The following AMBRA1 variants were observed in gnomAD, a reference collection of about 807,000 sequenced individuals.
AMBRA1 encodes activating molecule in BECN1-regulated autophagy protein 1.
Under a neutral mutation model 125.4 loss-of-function variants are expected in AMBRA1, and 47 were observed. That is an observed-to-expected ratio of 0.37 (90% CI 0.30 to 0.48). The LOEUF (loss-of-function observed/expected upper bound fraction) is 0.48, where lower values mean the gene tolerates loss of function less well. Among genes scored for constraint, AMBRA1 ranks in the 20% least tolerant of loss-of-function variants. AMBRA1 has a pLI of 0.99. For synonymous variants in AMBRA1, 626 were observed against 655.5 expected (o/e 0.95, Z 0.69); for missense variants, 1,331 against 1,693.4 (o/e 0.79, Z 3.76).
At chr11:46,422,579 T>A (rs1946898245) in intron 14 of AMBRA1, among the ~76,000 whole-genome samples, 1 of 152,008 alleles carries the variant, frequency 6.6e-6, no homozygotes, top group Non-Finnish European at 1.5e-5. Context: ...AGGAAAAGAA[T>A]GAGAGGGAGC....
At chr11:46,472,593 T>C (rs1322274290) in intron 11 of AMBRA1, among the ~76,000 whole-genome samples, 1 of 152,218 alleles carries the variant, frequency 6.6e-6, no homozygotes, top group Non-Finnish European at 1.5e-5. Context: ...GAGAACAACC[T>C]GTCAACTTCT....
chr11:46,506,633 T>A (rs1951044369), intron 9 of AMBRA1, among the ~76,000 whole-genome samples: 1 of 152,182 alleles, frequency 6.6e-6, no homozygotes, highest in Non-Finnish European at 1.5e-5. Context: ...AGGAAATGAC[T>A]GACAGGCTGT....
At chr11:46,541,279 C>A (rs1419739465) in intron 7 of AMBRA1, among the ~76,000 whole-genome samples, 2 of 152,158 alleles carry the variant, frequency 1.3e-5, no homozygotes, top group Non-Finnish European at 1.5e-5. Flanking sequence ...TCTTTCCTTC[C>A]ATGAATTATT....
At chr11:46,454,826 C>G (rs1948780342) in intron 11 of AMBRA1, among the ~76,000 whole-genome samples, 1 of 150,620 alleles carries the variant, frequency 6.6e-6, no homozygotes, top group Admixed American at 6.6e-5. Context: ...TAGATAGAGC[C>G]TTCTTATCTG....
At chr11:46,508,042 T>C in intron 9 of AMBRA1, 149 bp downstream of exon 9, 1 of 850,396 alleles carries the variant, frequency 1.2e-6, no homozygotes, top group Admixed American at 2.6e-5. Flanking sequence ...ATCTTAACCC[T>C]CTGTCCCTCA....
chr11:46,430,025 T>A (rs2136696662), intron 14 of AMBRA1, among the ~76,000 whole-genome samples: 2 of 152,242 alleles, frequency 1.3e-5, no homozygotes, highest in Middle Eastern at 6.8e-3. Flanking sequence ...AGTCTTACTT[T>A]CCTGACTTAC....
At chr11:46,434,699 C>T (rs1433027607) in intron 13 of AMBRA1, 150 bp downstream of exon 13, 13 of 855,732 alleles carry the variant, frequency 1.5e-5, no homozygotes, top group Middle Eastern at 3.7e-4. Context: ...GCCAGCACTC[C>T]TGCAAAGCAA....
intron 11 of AMBRA1, among the ~76,000 whole-genome samples, chr11:46,466,054 G>C (rs768998411): frequency 1.3e-5 from 2 of 152,180 alleles, no homozygotes; most frequent in African/African-American, 2.4e-5. Context: ...TTTGATGGCT[G>C]AGTGAGAACT....
At chr11:46,419,375 C>T (rs919079913) in intron 14 of AMBRA1, among the ~76,000 whole-genome samples, 1 of 151,646 alleles carries the variant, frequency 6.6e-6, no homozygotes, top group South Asian at 2.1e-4. Flanking sequence ...GACTTGGGTT[C>T]GAGTCCTGAT....
At chr11:46,550,217 C>T (rs954277858) in intron 1 of AMBRA1, among the ~76,000 whole-genome samples, 3 of 152,190 alleles carry the variant, frequency 2.0e-5, no homozygotes, top group Admixed American at 1.3e-4. Context: ...TTTAGCTTGC[C>T]TCTCTATACC....
chr11:46,520,970 T>C (rs960112212), intron 7 of AMBRA1, among the ~76,000 whole-genome samples: 3 of 152,152 alleles, frequency 2.0e-5, no homozygotes, highest in Admixed American at 6.5e-5. Flanking sequence ...TGTCTTGTCT[T>C]TGCTACATGA....
At chr11:46,414,685 G>A (rs1274063678) in intron 15 of AMBRA1, among the ~76,000 whole-genome samples, 5 of 152,236 alleles carry the variant, frequency 3.3e-5, no homozygotes, top group Non-Finnish European at 1.5e-5. Flanking sequence ...AGGCACAGCA[G>A]CAGCTTGGGC....
chr11:46,491,701 TCTC>T (rs1317787722), intron 11 of AMBRA1, among the ~76,000 whole-genome samples: 2 of 152,202 alleles, frequency 1.3e-5, no homozygotes, highest in African/African-American at 4.8e-5. Flanking sequence ...TAGAGTTCCT[TCTC>T]CTAATGGCAT....
At chr11:46,541,552 TTC>T (rs1305870306) in intron 7 of AMBRA1, among the ~76,000 whole-genome samples, 1 of 152,008 alleles carries the variant, frequency 6.6e-6, no homozygotes, top group Non-Finnish European at 1.5e-5. Context: ...CCATGCAGGG[TTC>T]TCTTTTACTT....
chr11:46,509,894 C>G (rs1436534568), intron 8 of AMBRA1, among the ~76,000 whole-genome samples: 2 of 152,026 alleles, frequency 1.3e-5, no homozygotes, highest in African/African-American at 2.4e-5. Context: ...TGATTAAGAA[C>G]AGAAACAGGA....
rs1405221477 is a variant in AMBRA1 at position 46,561,787 on chromosome 11, TGCCAATCACATTTCTTA to T, written c.-120-13304_-120-13288del. On this transcript the variant is annotated intron_variant, in intron 1 of 17. Transcript: ENST00000683756. Reference sequence around the variant, plus strand: ...AAAAGGCCGACATGCCACCCTACCATGCCAATCACATTTCTTAGCCAATCAAAAGAAGGCATTAGATT... The same window carrying T: ...AAAAGGCCGACATGCCACCCTACCATGCCAATCAAAAGAAGGCATTAGATT... Among the ~76,000 whole-genome samples the T allele has an allele frequency of 7.9e-5, 12 of 152,292 alleles. 1 individual carries two copies. The East Asian group carries it at 2.3e-3, about 29-fold the overall frequency.
chr11:46,547,050 C>A, intron 4 of AMBRA1, 63 bp downstream of exon 4: 1 of 1,487,694 alleles, frequency 6.7e-7, no homozygotes, highest in East Asian at 2.3e-5. Context: ...CAGAGCGAGA[C>A]TCCGTCTCAA....
At chr11:46,548,177 A>C (rs2042884819) in intron 2 of AMBRA1, 69 bp downstream of exon 2, 3 of 1,599,162 alleles carry the variant, frequency 1.9e-6, no homozygotes, top group Middle Eastern at 3.3e-4. Flanking sequence ...TCTGCTGTTA[A>C]CCCATTCTAA....
At chr11:46,413,075 C>A (rs981749344) in intron 15 of AMBRA1, among the ~76,000 whole-genome samples, 1 of 152,244 alleles carries the variant, frequency 6.6e-6, no homozygotes, top group African/African-American at 2.4e-5. Flanking sequence ...GACCCGGAAC[C>A]TTCCTTCCTA....
Sources: gnomAD v4.1 joint callset for allele counts (sites outside exome capture counted in the v4.1 genomes callset) on GRCh38, gnomAD v4.1.1 for gene constraint, MANE v1.5 for transcripts, NCBI Gene and HGNC (gene_info 2026-07-23, HGNC 2026-07-21) for gene names.